The following ARL13B variants were observed in gnomAD, a reference collection of about 807,000 sequenced individuals.
ARL13B encodes the protein ARF like GTPase 13B, also known as ADP-ribosylation factor-like protein 13B.
Under a neutral mutation model 56.1 loss-of-function variants are expected in ARL13B, and 36 were observed. The ratio of observed to expected loss-of-function variants is 0.64; its 90% CI spans 0.49 to 0.85. The LOEUF (loss-of-function observed/expected upper bound fraction) is 0.85, where lower values mean the gene tolerates loss of function less well. Ranked by LOEUF, ARL13B falls within the 40% of genes least tolerant of loss-of-function variation. ARL13B has a pLI of 0.00. For synonymous variants in ARL13B, 178 were observed against 171.1 expected (o/e 1.04, Z -0.32); for missense variants, 519 against 507.1 (o/e 1.02, Z -0.23).
At chr3:93,991,821 T>C (rs1273271238) in intron 1 of ARL13B, among the ~76,000 whole-genome samples, 1 of 152,262 alleles carries the variant, frequency 6.6e-6, no homozygotes, top group Non-Finnish European at 1.5e-5. Context: ...TGCTTTGTTA[T>C]CAGGCTTTGC....
chr3:94,050,780 A>G (rs777663826), intron 8 of ARL13B, 44 bp from the exon 9 acceptor site: 4 of 1,558,272 alleles, frequency 2.6e-6, no homozygotes. Flanking sequence ...ACCTAAAGAA[A>G]CCTTGTTTAA....
intron 3 of ARL13B, among the ~76,000 whole-genome samples, chr3:94,030,763 G>GTAGTCTTAA (rs1367891229): frequency 2.6e-5 from 4 of 152,096 alleles, no homozygotes; most frequent in African/African-American, 9.7e-5. Context: ...CCTGCACTTA[G>GTAGTCTTAA]TAGTCTTAAT....
Position 94,029,332 on chromosome 3 carries a change from A to ATT in ARL13B, c.381-5998_381-5997insTT, listed in dbSNP as rs1230277806. ...TATATATATATATATATATATATAT[A>ATT]TATTTATTTTTTTTTTATTTTTTTT... On this transcript the variant is annotated intron_variant, in intron 3 of 9. Transcript: ENST00000394222. 1.9e-3 allele frequency among the ~76,000 whole-genome samples: 137 copies of ATT among 72,338 alleles called. 2 individuals carry two copies. Among genetic ancestry groups the ATT allele is most frequent in the African/African-American group, 3.0e-3 (58 of 19,138 alleles). The allele number at this position is 72,338 out of a possible 152,430, so 47.5% of individuals were successfully genotyped here.
chr3:93,992,346 A>G (rs147016392), intron 1 of ARL13B, among the ~76,000 whole-genome samples: 35 of 152,104 alleles, frequency 2.3e-4, no homozygotes, highest in African/African-American at 7.5e-4. Flanking sequence ...GGAACTGCCG[A>G]CTCAGTTGAT....
At chr3:93,982,422 A>G (rs1489917506) in intron 1 of ARL13B, among the ~76,000 whole-genome samples, 2 of 152,214 alleles carry the variant, frequency 1.3e-5, no homozygotes, top group Admixed American at 6.5e-5. Flanking sequence ...AGATGCTGTA[A>G]GTGTATGTTT....
intron 3 of ARL13B, among the ~76,000 whole-genome samples, chr3:94,024,049 C>A (rs1222667648): frequency 6.6e-6 from 1 of 152,176 alleles, no homozygotes; most frequent in Non-Finnish European, 1.5e-5. Flanking sequence ...ATATTTTCTT[C>A]TGCTTCAACT....
intron 3 of ARL13B, among the ~76,000 whole-genome samples, chr3:94,011,667 A>G (rs2076226508): frequency 6.6e-6 from 1 of 151,926 alleles, no homozygotes; most frequent in Non-Finnish European, 1.5e-5. Context: ...CTCTTACATA[A>G]TAGTATCCCT....
At chr3:94,007,175 C>G (rs2076149479) in intron 3 of ARL13B, among the ~76,000 whole-genome samples, 1 of 152,248 alleles carries the variant, frequency 6.6e-6, no homozygotes, top group South Asian at 2.1e-4. Context: ...CAATAACAAG[C>G]AAGCAGAAAA....
At chr3:94,024,896 A>T (rs1388662527) in intron 3 of ARL13B, among the ~76,000 whole-genome samples, 3 of 152,080 alleles carry the variant, frequency 2.0e-5, no homozygotes, top group African/African-American at 4.8e-5. Flanking sequence ...CCTCTTTTTT[A>T]AAAAAATTAG....
intron 1 of ARL13B, among the ~76,000 whole-genome samples, chr3:93,982,196 T>A (rs1710256183): frequency 6.6e-6 from 1 of 152,240 alleles, no homozygotes; most frequent in Non-Finnish European, 1.5e-5. Context: ...TGGAATGATT[T>A]GTTTAAAGAG....
Position 94,039,929 on chromosome 3 carries a change from G to A in ARL13B, c.739G>A (p.Ala247Thr), listed in dbSNP as rs992479420. 6.2e-7 allele frequency: 1 copy of A among 1,613,966 alleles called. No homozygotes were observed. The highest frequency in any genetic ancestry group is 1.3e-5 in the African/African-American group (1 of 74,922). Residue 247 changes from alanine (A) to threonine (T), a missense_variant, in exon 6 of 10, where the codon GCT becomes ACT. Coordinates refer to ENST00000394222, the MANE Select transcript of ARL13B (RefSeq NM_001174150.2). ...TGAACTCGATGGAACCAGTGGTCTG[G>A]CTGAGTTGGACCCAGAACCAACGAA... ...QAELDGTSGL[A>T]ELDPEPTNPF...
At chr3:94,033,571 T>C (rs1331726824) in intron 3 of ARL13B, among the ~76,000 whole-genome samples, 1 of 152,160 alleles carries the variant, frequency 6.6e-6, no homozygotes, top group African/African-American at 2.4e-5. Flanking sequence ...AGAAGGAATA[T>C]GGAACTATAA....
intron 2 of ARL13B, among the ~76,000 whole-genome samples, chr3:93,997,068 T>G (rs752114273): frequency 1.3e-5 from 2 of 151,738 alleles, no homozygotes; most frequent in Non-Finnish European, 2.9e-5. Context: ...CTGCCTCCCA[T>G]CACCCCCCCA....
intron 1 of ARL13B, among the ~76,000 whole-genome samples, chr3:93,981,730 C>G (rs1710224868): frequency 6.6e-6 from 1 of 151,682 alleles, no homozygotes; most frequent in African/African-American, 2.4e-5. Flanking sequence ...ATAAAATAAA[C>G]GGGCACGGTG....
chr3:94,012,947 C>T (rs2076250555), intron 3 of ARL13B, among the ~76,000 whole-genome samples: 1 of 152,124 alleles, frequency 6.6e-6, no homozygotes, highest in African/African-American at 2.4e-5. Flanking sequence ...AATCTGAGAT[C>T]CTTGTGTTGA....
chr3:94,050,976 T>C (rs573947722), intron 9 of ARL13B, 84 bp downstream of exon 9: 12 of 1,343,478 alleles, frequency 8.9e-6, no homozygotes, highest in African/African-American at 5.8e-5. Flanking sequence ...AACAAACTTA[T>C]GTTTTAGTTT....
chr3:94,055,274 T>TA lies in ARL13B; in HGVS notation c.*2012dup, dbSNP rs1560022800. The TA allele has an allele frequency of 2.4e-6, 1 of 416,484 alleles. No individual in the cohort carries two copies. Among genetic ancestry groups the TA allele is most frequent in the Non-Finnish European group, 4.7e-6 (1 of 214,042 alleles). The allele number at this position is 416,484 out of a possible 1,614,324, so 25.8% of individuals were successfully genotyped here. A position where few individuals can be genotyped will look rare whatever the true frequency, so the allele number is the denominator to read the frequency against. ...ATTTTCACACAATAAAAATAATTTA[T>TA]ATCAATATTCTGTTTCTCTTTTCAA... On this transcript the variant is annotated 3_prime_UTR_variant, in exon 10 of 10. Transcript: ENST00000394222.
chr3:93,993,702 G>A (rs1236496255), intron 1 of ARL13B, among the ~76,000 whole-genome samples: 1 of 152,152 alleles, frequency 6.6e-6, no homozygotes, highest in Non-Finnish European at 1.5e-5. Context: ...ATAGTTCTAT[G>A]AATTAATTCA....
At position 94,034,375 on chromosome 3, in the gene ARL13B, C is replaced by A. The variant is rs143806914; in HGVS notation, c.381-956C>A. Among the ~76,000 whole-genome samples the A allele has an allele frequency of 3.5e-4, 53 of 151,728 alleles. No homozygotes were observed. The East Asian group carries it at 8.9e-3, about 26-fold the overall frequency. On this transcript the variant is annotated intron_variant, in intron 3 of 9. Transcript: ENST00000394222. ...AGAGTCTGTCAAACTTTGAGCAAGGCAGTATTTTATTAAACTTTTAAATCT... is the reference window on the plus strand; with the variant it reads ...AGAGTCTGTCAAACTTTGAGCAAGGAAGTATTTTATTAAACTTTTAAATCT...
Sources: allele counts gnomAD v4.1 joint callset (sites outside exome capture counted in the v4.1 genomes callset), GRCh38; gene constraint gnomAD v4.1.1; transcripts MANE v1.5; gene names NCBI Gene and HGNC (gene_info 2026-07-23, HGNC 2026-07-21).